PLLP: variants seen among roughly 807,000 people sequenced by gnomAD.
PLLP encodes plasma membrane proteolipid (plasmolipin).
Under a neutral mutation model 19.7 loss-of-function variants are expected in PLLP, and 15 were observed. The ratio of observed to expected loss-of-function variants is 0.76; its 90% confidence interval spans 0.51 to 1.17. The LOEUF (loss-of-function observed/expected upper bound fraction) is 1.17. Among genes scored for constraint, PLLP ranks in the 50% most tolerant of loss-of-function variants. The pLI, the probability that PLLP is intolerant of heterozygous loss-of-function variation, is 0.00. For synonymous variants in PLLP, 111 were observed against 116.3 expected, an observed-to-expected ratio of 0.95 and a Z score of 0.29; for missense variants, 255 against 258.3, an observed-to-expected ratio of 0.99 and a Z score of 0.09.
intron 2 of PLLP, among the ~76,000 whole-genome samples, chr16:57,259,547 G>A (rs1372250598): frequency 6.6e-6 from 1 of 152,178 alleles, no homozygotes; most frequent in Non-Finnish European, 1.5e-5. Flanking sequence ...TTGGCCCCAG[G>A]AGCCCATTCA....
At chr16:57,284,334 C>T in intron 1 of PLLP, 72 bp downstream of exon 1, 1 of 1,237,050 alleles carries the variant, frequency 8.1e-7, no homozygotes, top group Non-Finnish European at 1.0e-6. Flanking sequence ...GAACGCAGCG[C>T]CGGAGTCCCT....
chr16:57,270,638 C>G (rs2075471862), intron 1 of PLLP, among the ~76,000 whole-genome samples: 2 of 152,058 alleles, frequency 1.3e-5, no homozygotes, highest in Admixed American at 6.6e-5. Flanking sequence ...TTGTATCACA[C>G]GAGACAAAGG....
intron 2 of PLLP, among the ~76,000 whole-genome samples, chr16:57,260,675 G>A (rs2146438607): frequency 6.6e-6 from 1 of 152,240 alleles, no homozygotes; most frequent in African/African-American, 2.4e-5. Flanking sequence ...CAGCTGCAGG[G>A]GTTTTCCGGG....
At chr16:57,264,341 AGCTGTGTG>A (rs1409897762) in intron 1 of PLLP, among the ~76,000 whole-genome samples, 1 of 152,182 alleles carries the variant, frequency 6.6e-6, no homozygotes, top group African/African-American at 2.4e-5. Context: ...GGAAGTCAAA[AGCTGTGTG>A]GCTGTGTGAT....
At chr16:57,274,241 C>T (rs1415554792) in intron 1 of PLLP, among the ~76,000 whole-genome samples, 1 of 152,126 alleles carries the variant, frequency 6.6e-6, no homozygotes, top group East Asian at 1.9e-4. Flanking sequence ...CTTCAGCTTC[C>T]CAAAGTGCTG....
intron 1 of PLLP, 83 bp from the exon 2 acceptor site, chr16:57,262,153 G>A: frequency 7.4e-7 from 1 of 1,360,432 alleles, no homozygotes; most frequent in Non-Finnish European, 1.0e-6. Flanking sequence ...CAGGCACAGT[G>A]GCTCATGCCT....
At chr16:57,283,844 G>A (rs1901248215) in intron 1 of PLLP, among the ~76,000 whole-genome samples, 1 of 152,114 alleles carries the variant, frequency 6.6e-6, no homozygotes, top group South Asian at 2.1e-4. Context: ...GGTAGTGCCT[G>A]AGTGTGCGTG....
rs1029513726 is a variant in PLLP, at chr16:57,261,918, G to A, written c.288C>T (p.Tyr96=). 1.2e-6 allele frequency: 2 copies of A among 1,614,022 alleles called. No individual in the cohort carries two copies. Among genetic ancestry groups the A allele is most frequent in the Admixed American group, 1.7e-5 (1 of 60,002 alleles). The change falls in exon 2 of 4, where the codon TAC becomes TAT. Residue 96 remains tyrosine, a synonymous_variant. Transcript: ENST00000219207. ...TCACCACCAGTGGCCAGGGAACCAT[G>A]TACAACTTCATGTGCAGCTGAAACA... The part of the protein sequence containing the change: ...LYLFQLHMKL[Y]MVPWPLVLMI...
At position 57,257,403 on chromosome 16, in the gene PLLP, C is replaced by G. The variant is rs181922566; in HGVS notation, c.433-374G>C. Among the ~76,000 whole-genome samples the G allele has an allele frequency of 3.3e-5, 5 of 152,364 alleles. No individual in the cohort carries two copies. In the East Asian group the frequency reaches 9.6e-4, roughly 29 times the overall value. On this transcript the variant is annotated intron_variant, in intron 3 of 3. Transcript: ENST00000219207. ...GCCTCTATACTAACACCTGCAGCCA[C>G]ATTCAGAAGCTCCCCGTCTCTGTCC...
intron 1 of PLLP, among the ~76,000 whole-genome samples, chr16:57,278,424 A>G (rs1168210902): frequency 6.6e-6 from 1 of 152,240 alleles, no homozygotes; most frequent in Non-Finnish European, 1.5e-5. Context: ...GTGCACAGGA[A>G]AAAAGACTAG....
At chr16:57,257,702 C>G (rs1377124942) in intron 3 of PLLP, among the ~76,000 whole-genome samples, 1 of 152,234 alleles carries the variant, frequency 6.6e-6, no homozygotes, top group Non-Finnish European at 1.5e-5. Flanking sequence ...TGCCACTTCA[C>G]TGGCCACCTG....
chr16:57,278,336 G>C (rs1901178715), intron 1 of PLLP, among the ~76,000 whole-genome samples: 1 of 152,126 alleles, frequency 6.6e-6, no homozygotes, highest in Non-Finnish European at 1.5e-5. Context: ...CACAAGAAGA[G>C]CTCTCAGATG....
intron 1 of PLLP, among the ~76,000 whole-genome samples, chr16:57,279,362 C>CTT (rs796106110): frequency 5.2e-5 from 7 of 134,206 alleles, no homozygotes; most frequent in African/African-American, 1.6e-4. Context: ...CTTCTTCTTC[C>CTT]TTTTTTTTTT....
Position 57,277,179 on chromosome 16 carries a change from T to C in PLLP, c.135+7227A>G, listed in dbSNP as rs971524561. The stretch of plus-strand genomic sequence containing the variant: ...TTAAAGAAAGTCTTAAAATGGGATA[T>C]AGAAAACTGAGAGTGGGCATGAAGG... On this transcript the variant is annotated intron_variant, in intron 1 of 3. Transcript: ENST00000219207. Among the ~76,000 whole-genome samples the C allele has an allele frequency of 3.3e-5, 5 of 152,184 alleles. No homozygotes were observed. In the East Asian group the frequency reaches 7.7e-4, roughly 23 times the overall value.
Position 57,258,513 on chromosome 16 carries a change from G to T in PLLP, c.381C>A (p.Asp127Glu). Residue 127 changes from aspartate to glutamate, a missense_variant, in exon 3 of 4, where the codon GAC becomes GAA. By Grantham distance (45) the Asp-to-Glu change is conservative. Transcript: ENST00000219207. ...TAFIACSAAV[D>E]LTSLRGTRPY... Reference sequence around the variant, plus strand: ...GCCGGGTGCCCCTCAGGGATGTCAGGTCAACTGCCGCAGAGCAGGCGATGA... The same window carrying T: ...GCCGGGTGCCCCTCAGGGATGTCAGTTCAACTGCCGCAGAGCAGGCGATGA... The T allele has an allele frequency of 6.2e-7, 1 of 1,613,258 alleles. No homozygotes were observed.
intron 3 of PLLP, among the ~76,000 whole-genome samples, chr16:57,258,194 G>A (rs879325086): frequency 3.9e-5 from 6 of 152,070 alleles, no homozygotes; most frequent in South Asian, 2.1e-4. Flanking sequence ...TCACGTCACC[G>A]CACTCCAGCC....
At chr16:57,268,981 C>T (rs1222122026) in intron 1 of PLLP, among the ~76,000 whole-genome samples, 4 of 152,206 alleles carry the variant, frequency 2.6e-5, no homozygotes, top group Non-Finnish European at 5.9e-5. Context: ...GAGATAAGGA[C>T]CCACGTCAGT....
At chr16:57,270,878 C>T (rs149934056) in intron 1 of PLLP, among the ~76,000 whole-genome samples, 39 of 152,130 alleles carry the variant, frequency 2.6e-4, no homozygotes, top group Non-Finnish European at 4.6e-4. Context: ...CTTTTCTCGT[C>T]GGAAAAATGG....
At chr16:57,259,986 A>G (rs1393291890) in intron 2 of PLLP, among the ~76,000 whole-genome samples, 2 of 152,038 alleles carry the variant, frequency 1.3e-5, no homozygotes, top group African/African-American at 4.8e-5. Context: ...AAAAAAAAAA[A>G]AAAAAAAACT....
Sources: allele counts gnomAD v4.1 joint callset (sites outside exome capture counted in the v4.1 genomes callset), GRCh38; gene constraint gnomAD v4.1.1; transcripts MANE v1.5; gene names NCBI Gene and HGNC (gene_info 2026-07-23, HGNC 2026-07-21).